Variants in DISP1 observed in about 807,000 individuals in gnomAD.
DISP1 encodes the protein protein dispatched homolog 1.
DISP1 carries 30 observed loss-of-function variants against 37.3 expected under a neutral mutation model. That is an observed-to-expected ratio of 0.80 (90% CI 0.60 to 1.09). The LOEUF (loss-of-function observed/expected upper bound fraction) is 1.09, where lower values mean the gene tolerates loss of function less well. Among genes scored for constraint, DISP1 ranks in the 50% least tolerant of loss-of-function variants. The probability of loss-of-function intolerance (pLI) is 0.00; values close to 1 mark genes in which losing one functional copy is unlikely to be tolerated. For synonymous variants in DISP1, 634 were observed against 690.2 expected, an observed-to-expected ratio of 0.92 and a Z score of 1.28; for missense variants, 1,598 against 1,879.5, an observed-to-expected ratio of 0.85 and a Z score of 2.77.
intron 1 of DISP1, among the ~76,000 whole-genome samples, chr1:222,876,152 A>T (rs1044459294): frequency 2.0e-5 from 3 of 152,204 alleles, no homozygotes; most frequent in Non-Finnish European, 1.5e-5. Flanking sequence ...TGCCACAGAC[A>T]AATGTTTAAT....
At chr1:222,975,436 A>C (rs1677244262) in intron 3 of DISP1, among the ~76,000 whole-genome samples, 1 of 152,214 alleles carries the variant, frequency 6.6e-6, no homozygotes, top group South Asian at 2.1e-4. Flanking sequence ...TTGCTTTACA[A>C]GCTCCCCTTC....
chr1:222,877,873 C>T (rs769555568), intron 1 of DISP1, among the ~76,000 whole-genome samples: 22 of 152,088 alleles, frequency 1.4e-4, no homozygotes, highest in Non-Finnish European at 2.9e-4. Context: ...CAGGATGGTC[C>T]AACCCAAGAG....
intron 1 of DISP1, among the ~76,000 whole-genome samples, chr1:222,871,967 T>A (rs1669611624): frequency 6.6e-6 from 1 of 152,222 alleles, no homozygotes; most frequent in African/African-American, 2.4e-5. Context: ...GTCCCATCAA[T>A]ACCTAATTTA....
chr1:222,870,322 G>A (rs1363443494), intron 1 of DISP1, among the ~76,000 whole-genome samples: 2 of 152,184 alleles, frequency 1.3e-5, no homozygotes, highest in African/African-American at 2.4e-5. Context: ...GGATGGCTGG[G>A]TCAAATGGTA....
chr1:222,819,732 G>T (rs1426864018), intron 1 of DISP1, among the ~76,000 whole-genome samples: 1 of 151,718 alleles, frequency 6.6e-6, no homozygotes, highest in Non-Finnish European at 1.5e-5. Context: ...GCAGGGACAG[G>T]GTTTCACCAT....
rs1674483599 is a variant in DISP1, at chr1:222,942,860, C to G, written c.37C>G (p.Leu13Val). ...MSNGNNDFVV[L>V]SNSSIATSAA... The stretch of plus-strand genomic sequence containing the variant: ...CAATGGAAACAATGATTTTGTGGTT[C>G]TGAGCAACAGCAGCATCGCAACCAG... The change falls in exon 3 of 9, where the codon CTG becomes GTG. Residue 13 changes from leucine (L) to valine (V), a missense_variant. Physicochemically the swap from Leu to Val is conservative, Grantham distance 32. Coordinates refer to ENST00000675850, the MANE Select transcript of DISP1 (RefSeq NM_001377229.1). 2.5e-6 allele frequency: 4 copies of G among 1,614,040 alleles called. No individual in the cohort carries two copies. Among genetic ancestry groups the G allele is most frequent in the Non-Finnish European group, 8.5e-7 (1 of 1,180,046 alleles).
At chr1:222,898,538 A>G (rs1291673715) in intron 1 of DISP1, among the ~76,000 whole-genome samples, 1 of 131,616 alleles carries the variant, frequency 7.6e-6, no homozygotes, top group Non-Finnish European at 1.6e-5. Flanking sequence ...CACATGTGCC[A>G]TGTACCACTG....
chr1:222,980,085 G>A (rs1389197095), intron 3 of DISP1, among the ~76,000 whole-genome samples: 1 of 152,190 alleles, frequency 6.6e-6, no homozygotes, highest in Non-Finnish European at 1.5e-5. Flanking sequence ...GTTGTGTATT[G>A]TAGTCAGTAT....
intron 1 of DISP1, among the ~76,000 whole-genome samples, chr1:222,889,761 T>C (rs1670840584): frequency 6.6e-6 from 1 of 152,180 alleles, no homozygotes; most frequent in South Asian, 2.1e-4. Flanking sequence ...CAATTTCTGA[T>C]TTCATTATCT....
Position 222,994,995 on chromosome 1 carries a change from A to G in DISP1, c.987+13A>G. On this transcript the variant is annotated intron_variant, in intron 8 of 8. Coordinates refer to ENST00000675850, the MANE Select transcript of DISP1 (RefSeq NM_001377229.1). ...AGATAATTCCAGGGTATGTAAGATA[A>G]AAACTAAAATCTCCTTAGCACAAAT... 1 of 1,590,278 alleles carries G rather than the reference A, an allele frequency of 6.3e-7. No individual in the cohort carries two copies. Among genetic ancestry groups the G allele is most frequent in the Non-Finnish European group, 8.6e-7 (1 of 1,158,996 alleles).
intron 3 of DISP1, among the ~76,000 whole-genome samples, chr1:222,958,604 A>G (rs1258591962): frequency 6.6e-6 from 1 of 152,328 alleles, no homozygotes; most frequent in East Asian, 1.9e-4. Flanking sequence ...ACATGGTTTT[A>G]AATACGATTT....
At chr1:222,976,527 T>C (rs1677342696) in intron 3 of DISP1, among the ~76,000 whole-genome samples, 1 of 152,040 alleles carries the variant, frequency 6.6e-6, no homozygotes, top group Non-Finnish European at 1.5e-5. Context: ...AATGTTTTCC[T>C]AGGAGGTTTC....
chr1:222,913,879 T>G (rs2125427545), intron 1 of DISP1, among the ~76,000 whole-genome samples: 1 of 152,246 alleles, frequency 6.6e-6, no homozygotes, highest in East Asian at 1.9e-4. Context: ...GTAACTTGTT[T>G]TAATTCCAAA....
intron 1 of DISP1, among the ~76,000 whole-genome samples, chr1:222,819,421 T>C (rs1662164913): frequency 6.6e-6 from 1 of 152,170 alleles, no homozygotes. Flanking sequence ...GTTTTCATTA[T>C]GTCAAAGAAT....
chr1:222,885,322 C>G (rs1670528893), intron 1 of DISP1, among the ~76,000 whole-genome samples: 1 of 151,948 alleles, frequency 6.6e-6, no homozygotes, highest in Non-Finnish European at 1.5e-5. Flanking sequence ...CATCTTTGGC[C>G]ATTTGGAGTT....
intron 1 of DISP1, among the ~76,000 whole-genome samples, chr1:222,880,086 C>G (rs1443931830): frequency 6.6e-6 from 1 of 151,850 alleles, no homozygotes; most frequent in Admixed American, 6.6e-5. Context: ...CAGAAGCAAT[C>G]AAAATGTTTA....
In DISP1 at chr1:222,871,803, G is replaced by A. The variant is rs577189368; in HGVS notation, c.-158-56627G>A. On this transcript the variant is annotated intron_variant, in intron 1 of 8. Transcript: ENST00000675850. ...TTTCCTTCTCCTGCCTGATTGCCCT[G>A]GCCAGAACTTCCAACACTATGTTGA... Among the ~76,000 whole-genome samples, 5 of 152,260 alleles carry A rather than the reference G, an allele frequency of 3.3e-5. No homozygotes were observed. The East Asian group carries it at 9.6e-4, about 29-fold the overall frequency.
At chr1:222,926,301 T>G (rs907604959) in intron 1 of DISP1, among the ~76,000 whole-genome samples, 2 of 152,232 alleles carry the variant, frequency 1.3e-5, no homozygotes, top group African/African-American at 4.8e-5. Flanking sequence ...GATGTACATA[T>G]GTTGTTTATC....
intron 1 of DISP1, among the ~76,000 whole-genome samples, chr1:222,914,377 A>G (rs1672375734): frequency 1.3e-5 from 2 of 152,130 alleles, no homozygotes. Flanking sequence ...GTACATTGTT[A>G]TTAATTTGGA....
Sources: gnomAD v4.1 joint callset for allele counts (sites outside exome capture counted in the v4.1 genomes callset) on GRCh38, gnomAD v4.1.1 for gene constraint, MANE v1.5 for transcripts, NCBI Gene and HGNC (gene_info 2026-07-23, HGNC 2026-07-21) for gene names.